Variants in STAT4 observed in about 807,000 individuals in gnomAD.
STAT4 encodes the protein signal transducer and activator of transcription 4.
STAT4 carries 42 observed loss-of-function variants against 110.5 expected under a neutral mutation model. That is an observed-to-expected ratio of 0.38 (90% CI 0.30 to 0.49). The LOEUF (loss-of-function observed/expected upper bound fraction) is 0.49. Ranked by LOEUF, STAT4 falls within the 20% of genes least tolerant of loss-of-function variation. The probability of loss-of-function intolerance (pLI) is 0.95; values close to 1 mark genes in which losing one functional copy is unlikely to be tolerated. For missense variants in STAT4, 632 were observed against 887.9 expected, an observed-to-expected ratio of 0.71 and a Z score of 3.66; for synonymous variants, 284 against 302.2, an observed-to-expected ratio of 0.94 and a Z score of 0.63.
At chr2:191,054,903 A>C (rs1445409900) in intron 13 of STAT4, among the ~76,000 whole-genome samples, 3 of 152,204 alleles carry the variant, frequency 2.0e-5, no homozygotes, top group African/African-American at 7.2e-5. Flanking sequence ...TGAGAAACCA[A>C]GTCTAACGAA....
chr2:191,120,235 C>T (rs1698681921), intron 3 of STAT4, among the ~76,000 whole-genome samples: 1 of 151,888 alleles, frequency 6.6e-6, no homozygotes, highest in African/African-American at 2.4e-5. Context: ...CAAAAGACAC[C>T]ATGTAGAGGA....
rs1697316431 is a variant in STAT4 at position 191,076,276 on chromosome 2, C to G, written c.323G>C (p.Cys108Ser). ...PMHVAVVISNCLREERRILAA... is the reference protein window; with the variant it reads ...PMHVAVVISNSLREERRILAA... ...CAATATTCTCCTCTCTTCCCTTAAA[C>G]AGTTTGAAATAACCACAGCTACATG... The change falls in exon 4 of 24, where the codon TGT becomes TCT. Residue 108 changes from cysteine to serine, a missense_variant. Coordinates refer to ENST00000392320, the MANE Select transcript of STAT4 (RefSeq NM_003151.4). 1.9e-6 allele frequency: 3 copies of G among 1,613,562 alleles called. No homozygotes were observed. Among genetic ancestry groups the G allele is most frequent in the Non-Finnish European group, 8.5e-7 (1 of 1,179,820 alleles).
At chr2:191,114,159 T>A (rs1299453989) in intron 3 of STAT4, among the ~76,000 whole-genome samples, 1 of 152,190 alleles carries the variant, frequency 6.6e-6, no homozygotes, top group Non-Finnish European at 1.5e-5. Flanking sequence ...AATGAAAAGC[T>A]CAATCCTTAA....
intron 3 of STAT4, among the ~76,000 whole-genome samples, chr2:191,084,993 A>G (rs1697597691): frequency 6.6e-6 from 1 of 151,952 alleles, no homozygotes; most frequent in Non-Finnish European, 1.5e-5. Flanking sequence ...TTTTCTCTCG[A>G]ACAAGATTTT....
In STAT4 at chr2:191,133,024, G is replaced by T. The variant is rs568644063; in HGVS notation, c.273+13589C>A. 2.0e-5 allele frequency among the ~76,000 whole-genome samples: 3 copies of T among 151,594 alleles called. 1 individual carries two copies. Among genetic ancestry groups the T allele is most frequent in the African/African-American group, 7.3e-5 (3 of 41,062 alleles). ...CCACCTCGGCCTCCCAAAGTGCTGG[G>T]ATTACAGGCGTGGGCCACTGCGCCT... On this transcript the variant is annotated intron_variant, in intron 3 of 23. Transcript: ENST00000392320.
At chr2:191,130,359 A>AGCTATTAAGC (rs1559080756) in intron 3 of STAT4, among the ~76,000 whole-genome samples, 1 of 151,198 alleles carries the variant, frequency 6.6e-6, no homozygotes, top group African/African-American at 2.4e-5. Flanking sequence ...AGTAGCTTGG[A>AGCTATTAAGC]CTACAGGCAC....
rs1394983412 is a variant in STAT4, at chr2:191,058,416, G to C, written c.1095-197C>G. 5.9e-5 allele frequency among the ~76,000 whole-genome samples: 9 copies of C among 152,138 alleles called. No homozygotes were observed. The highest frequency in any genetic ancestry group is 1.3e-4 in the Non-Finnish European group (9 of 68,024). ...GGGTTCAAGCGATTCTCCTGCCTCA[G>C]CCTCCTGAGTAGCTGGGATTACAGG... On this transcript the variant is annotated intron_variant, in intron 11 of 23. Coordinates refer to ENST00000392320, the MANE Select transcript of STAT4 (RefSeq NM_003151.4). The surrounding 1 kb of genome is among the most constrained non-coding windows in gnomAD (Gnocchi z 4.3).
At chr2:191,076,022 AATT>A in intron 4 of STAT4, 1 of 501,092 alleles carries the variant, frequency 2.0e-6, no homozygotes, top group East Asian at 3.3e-5. Flanking sequence ...ACTAATTTTT[AATT>A]TTTTTTTTTT....
At position 191,062,991 on chromosome 2, in the gene STAT4, T is replaced by A; in HGVS notation, c.783-71A>T. On this transcript the variant is annotated intron_variant, in intron 8 of 23. Transcript: ENST00000392320. The surrounding 1 kb of genome is among the most constrained non-coding windows in gnomAD (Gnocchi z 4.9). ...AATAAAAAAGCATTGTAACAATGGG[T>A]CATAGTTAATAAACATTAAATTATT... 3 of 1,246,186 alleles carry A rather than the reference T, an allele frequency of 2.4e-6. No individual in the cohort carries two copies. Among genetic ancestry groups the A allele is most frequent in the Non-Finnish European group, 3.3e-6 (3 of 912,506 alleles). The allele number at this position is 1,246,186 out of a possible 1,614,324, so 77.2% of individuals were successfully genotyped here. A position where few individuals can be genotyped will look rare whatever the true frequency, so the allele number is the denominator to read the frequency against.
At chr2:191,145,231 A>G (rs1438892024) in intron 3 of STAT4, among the ~76,000 whole-genome samples, 1 of 152,228 alleles carries the variant, frequency 6.6e-6, no homozygotes, top group Non-Finnish European at 1.5e-5. Flanking sequence ...AACAATATGT[A>G]AACCAACGAG....
intron 3 of STAT4, chr2:191,131,802 A>G (rs1648170109): frequency 1.2e-5 from 16 of 1,369,042 alleles, no homozygotes; most frequent in African/African-American, 1.5e-5. Flanking sequence ...TGAATGTCCC[A>G]GGTGAAGAAG....
Position 191,090,050 on chromosome 2 carries a change from G to T in STAT4, c.274-13725C>A, listed in dbSNP as rs1697747864. Among the ~76,000 whole-genome samples the T allele has an allele frequency of 6.6e-6, 1 of 151,988 alleles. No individual in the cohort carries two copies. The highest frequency in any genetic ancestry group is 1.5e-5 in the Non-Finnish European group (1 of 68,004). On this transcript the variant is annotated intron_variant, in intron 3 of 23. Coordinates refer to ENST00000392320, the MANE Select transcript of STAT4 (RefSeq NM_003151.4). The surrounding 1 kb of genome is among the most constrained non-coding windows in gnomAD (Gnocchi z 4.2). ...TAGTGAGCCCTAATGTAAATTATGG[G>T]ACTTTAGTTAATAATAATATAATAT...
rs1696363953 is a variant in STAT4, at chr2:191,046,677, T to TA, written c.1252-5530dup. 6.6e-6 allele frequency among the ~76,000 whole-genome samples: 1 copy of TA among 152,194 alleles called. No homozygotes were observed. Among genetic ancestry groups the TA allele is most frequent in the Non-Finnish European group, 1.5e-5 (1 of 68,028 alleles). On this transcript the variant is annotated intron_variant, in intron 14 of 23. Transcript: ENST00000392320. The surrounding 1 kb of genome is among the most constrained non-coding windows in gnomAD (Gnocchi z 4.6). Reference sequence around the variant, plus strand: ...GGAGTGAGGTGCTATGATATTGTGATATAATAAGAAATCTATATTTGGTCC... The same window carrying TA: ...GGAGTGAGGTGCTATGATATTGTGATAATAATAAGAAATCTATATTTGGTCC...
intron 14 of STAT4, among the ~76,000 whole-genome samples, chr2:191,049,859 A>G (rs949220832): frequency 2.0e-5 from 3 of 152,204 alleles, no homozygotes; most frequent in African/African-American, 7.2e-5. Context: ...AGGTTTTAGT[A>G]ATATTTTTGT....
intron 17 of STAT4, among the ~76,000 whole-genome samples, chr2:191,034,969 G>A (rs1000636774): frequency 6.6e-6 from 1 of 152,190 alleles, no homozygotes; most frequent in African/African-American, 2.4e-5. Flanking sequence ...GACAGGAAGA[G>A]CTGCCTAATG....
Position 191,142,998 on chromosome 2 carries a change from A to G in STAT4, c.273+3615T>C, listed in dbSNP as rs547908153. 4.6e-5 allele frequency among the ~76,000 whole-genome samples: 7 copies of G among 152,330 alleles called. No homozygotes were observed. The highest frequency in any genetic ancestry group is 1.4e-4 in the African/African-American group (6 of 41,576). ...AATGTAAGTTAATAATAATGTATCAATATTATTTCGTCAACTGTCACAAAT... is the reference window on the plus strand; with the variant it reads ...AATGTAAGTTAATAATAATGTATCAGTATTATTTCGTCAACTGTCACAAAT... On this transcript the variant is annotated intron_variant, in intron 3 of 23. Coordinates refer to ENST00000392320, the MANE Select transcript of STAT4 (RefSeq NM_003151.4). This position sits in a 1 kb window ranked among gnomAD's most constrained non-coding sequence, Gnocchi z 4.1.
chr2:191,081,708 T>A (rs892346699), intron 3 of STAT4, among the ~76,000 whole-genome samples: 30 of 152,122 alleles, frequency 2.0e-4, no homozygotes, highest in African/African-American at 6.8e-4. Flanking sequence ...TGTTTTACAG[T>A]TACACAAATT....
Position 191,039,209 on chromosome 2 carries a change from T to A in STAT4, c.1424A>T (p.Asn475Ile), listed in dbSNP as rs146386562. Residue 475 changes from asparagine (N) to isoleucine (I), a missense_variant, in exon 16 of 24, where the codon AAC becomes ATC. Transcript: ENST00000392320. The surrounding 1 kb of genome is among the most constrained non-coding windows in gnomAD (Gnocchi z 4.7). The part of the protein sequence containing the change: ...ASIIWYNVST[N>I]DSQNLVFFNN... The stretch of plus-strand genomic sequence containing the variant: ...AGAAATAGAGTCTACCTGGGAATCG[T>A]TGGTTGACACGTTGTACCAAATGAT... The A allele has an allele frequency of 9.3e-6, 15 of 1,614,092 alleles. No individual in the cohort carries two copies. Among genetic ancestry groups the A allele is most frequent in the Non-Finnish European group, 1.3e-5 (15 of 1,179,944 alleles).
chr2:191,124,705 A>G (rs1430690384), intron 3 of STAT4, among the ~76,000 whole-genome samples: 1 of 152,210 alleles, frequency 6.6e-6, no homozygotes, highest in Non-Finnish European at 1.5e-5. Context: ...GTGCATCAAT[A>G]TCTGTGTCTA....
Sources: gnomAD v4.1 joint callset for allele counts (sites outside exome capture counted in the v4.1 genomes callset) on GRCh38, gnomAD v4.1.1 for gene constraint, Gnocchi (gnomAD v3.1) non-coding constraint, MANE v1.5 for transcripts, NCBI Gene and HGNC (gene_info 2026-07-23, HGNC 2026-07-21) for gene names.